Variants in RFC3 observed in about 807,000 individuals in gnomAD.
The protein encoded by RFC3 is A1 38 kDa subunit.
RFC3 carries 41 observed loss-of-function variants against 45.1 expected under a neutral mutation model. The ratio of observed to expected loss-of-function variants is 0.91; its 90% CI spans 0.71 to 1.18. The LOEUF (loss-of-function observed/expected upper bound fraction) is 1.18, where lower values mean the gene tolerates loss of function less well. RFC3 is among the 50% of genes most tolerant of loss of function. The pLI, the probability that RFC3 is intolerant of heterozygous loss-of-function variation, is 0.00. For synonymous variants in RFC3, 149 were observed against 144.0 expected (o/e 1.03, Z -0.25); for missense variants, 423 against 428.1 (o/e 0.99, Z 0.10).
At chr13:33,888,056 G>A (rs2082538140) in intron 8 of RFC3, among the ~76,000 whole-genome samples, 1 of 152,174 alleles carries the variant, frequency 6.6e-6, no homozygotes, top group Non-Finnish European at 1.5e-5. Context: ...TTGAAGTCAG[G>A]TAGCATGATG....
intron 8 of RFC3, among the ~76,000 whole-genome samples, chr13:33,852,839 T>G (rs1031568159): frequency 6.6e-6 from 1 of 152,224 alleles, no homozygotes; most frequent in African/African-American, 2.4e-5. Context: ...CTATGACTTA[T>G]GCAACTCGTG....
At chr13:33,949,707 G>C (rs551867583) in intron 8 of RFC3, among the ~76,000 whole-genome samples, 1 of 152,100 alleles carries the variant, frequency 6.6e-6, no homozygotes, top group African/African-American at 2.4e-5. Context: ...GGGTTTTTCT[G>C]TGAGGGTGTT....
In RFC3 at chr13:33,888,505, C is replaced by G. The variant is rs112424176; in HGVS notation, c.879+53288C>G. Among the ~76,000 whole-genome samples the G allele has an allele frequency of 6.4e-3, 980 of 152,216 alleles. 9 individuals are homozygous for G. Among genetic ancestry groups the G allele is most frequent in the Non-Finnish European group, 9.6e-3 (651 of 68,020 alleles). On this transcript the variant is annotated intron_variant, in intron 8 of 8. Transcript: ENST00000434425. ...TTCTCAAGTGCGGAAGCCGAGTAGC[C>G]ACAATGCTGCGTTACTCTATGGATG...
At chr13:33,821,773 TTCTTATGC>T (rs1343923125) in intron 2 of RFC3, among the ~76,000 whole-genome samples, 2 of 152,234 alleles carry the variant, frequency 1.3e-5, no homozygotes, top group Non-Finnish European at 2.9e-5. Flanking sequence ...GTGTAGCACA[TTCTTATGC>T]TCTTCCATTA....
chr13:33,950,636 C>G (rs1566040005), intron 8 of RFC3, among the ~76,000 whole-genome samples: 2 of 152,226 alleles, frequency 1.3e-5, no homozygotes, highest in Non-Finnish European at 2.9e-5. Context: ...GGCCAACACA[C>G]AGGTCAACTG....
In RFC3 at chr13:33,821,253, A is replaced by T. The variant is rs547869381; in HGVS notation, c.209A>T (p.Glu70Val). 8.4e-5 allele frequency: 135 copies of T among 1,613,556 alleles called. No individual in the cohort carries two copies. In the Admixed American group the frequency reaches 2.2e-3, roughly 26 times the overall value. ...GTTGGAGTGGAAAAATTGAGAATTGAACATCAGACCATCACAGTAAGCATT... is the reference window on the plus strand; with the variant it reads ...GTTGGAGTGGAAAAATTGAGAATTGTACATCAGACCATCACAGTAAGCATT... ...YGVGVEKLRIEHQTITTPSKK... is the reference protein window; with the variant it reads ...YGVGVEKLRIVHQTITTPSKK... Residue 70 changes from glutamate (E) to valine (V), a missense_variant, in exon 2 of 9, where the codon GAA becomes GTA. Transcript: ENST00000380071.
chr13:33,858,541 T>C (rs1291686659), intron 8 of RFC3, among the ~76,000 whole-genome samples: 1 of 152,162 alleles, frequency 6.6e-6, no homozygotes, highest in East Asian at 1.9e-4. Context: ...AGATGGCAGC[T>C]GAAACCCCAA....
chr13:33,864,975 G>A (rs1459868252), intron 8 of RFC3, among the ~76,000 whole-genome samples: 1 of 152,072 alleles, frequency 6.6e-6, no homozygotes, highest in African/African-American at 2.4e-5. Context: ...GAAAATAATC[G>A]ATTGATTGTA....
At chr13:33,853,693 A>G (rs544784223) in intron 8 of RFC3, among the ~76,000 whole-genome samples, 12 of 152,240 alleles carry the variant, frequency 7.9e-5, no homozygotes, top group African/African-American at 2.2e-4. Flanking sequence ...CTAAATTCTA[A>G]CTGCTTTTAA....
chr13:33,873,791 C>A (rs1279815961), intron 8 of RFC3, among the ~76,000 whole-genome samples: 1 of 152,194 alleles, frequency 6.6e-6, no homozygotes, highest in African/African-American at 2.4e-5. Context: ...TCATGGCTCA[C>A]AGGAAATGCT....
intron 8 of RFC3, chr13:33,846,828 A>G (rs9528228): frequency 0.88 from 134,455 of 152,224 alleles, 59,728 homozygotes; most frequent in Non-Finnish European, 0.94. Context: ...TGGTCTAAAT[A>G]CTCTCTCTGT....
chr13:33,832,896 C>T (rs1164668574), intron 7 of RFC3, among the ~76,000 whole-genome samples: 3 of 152,152 alleles, frequency 2.0e-5, no homozygotes, highest in African/African-American at 7.2e-5. Context: ...TGATAATTAT[C>T]ACGTGCTTTT....
chr13:33,887,097 G>A (rs1414312335), intron 8 of RFC3, among the ~76,000 whole-genome samples: 170 of 145,176 alleles, frequency 1.2e-3, no homozygotes, highest in East Asian at 4.6e-3. Context: ...ATAAACATAC[G>A]TGTGCATGTG....
At chr13:33,944,374 G>A (rs1215093632) in intron 8 of RFC3, among the ~76,000 whole-genome samples, 1 of 152,182 alleles carries the variant, frequency 6.6e-6, no homozygotes, top group African/African-American at 2.4e-5. Flanking sequence ...CTCATTATAT[G>A]TGTGAAATTT....
chr13:33,862,983 C>T (rs2082350919), intron 8 of RFC3, among the ~76,000 whole-genome samples: 1 of 152,174 alleles, frequency 6.6e-6, no homozygotes, highest in Non-Finnish European at 1.5e-5. Flanking sequence ...TTAATTCTTA[C>T]ATGCATTTCT....
At position 33,919,801 on chromosome 13, in the gene RFC3, T is replaced by A. The variant is rs150393326; in HGVS notation, c.880-46286T>A. 4.5e-3 allele frequency among the ~76,000 whole-genome samples: 691 copies of A among 152,258 alleles called. 4 individuals are homozygous for A. The highest frequency in any genetic ancestry group is 0.016 in the African/African-American group (665 of 41,570). On this transcript the variant is annotated intron_variant, in intron 8 of 8. Transcript: ENST00000434425. ...ATTTCAGGGGGAAAAGAGATATACA[T>A]GGAGGATATAGGCTGAGGAAGAAAG...
the RFC3 span, among the ~76,000 whole-genome samples, chr13:33,973,430 A>G: frequency 6.6e-6 from 1 of 152,170 alleles, no homozygotes; most frequent in Non-Finnish European, 1.5e-5. Flanking sequence ...AATATTGCCC[A>G]GTCTTCTCTA....
chr13:33,856,448 C>G (rs779530955), intron 8 of RFC3, among the ~76,000 whole-genome samples: 4 of 152,076 alleles, frequency 2.6e-5, no homozygotes, highest in Non-Finnish European at 5.9e-5. Context: ...ACAAATTTAC[C>G]TATGTAACAA....
chr13:33,912,701 C>T (rs140573954), intron 8 of RFC3, among the ~76,000 whole-genome samples: 11 of 152,184 alleles, frequency 7.2e-5, no homozygotes, highest in East Asian at 1.9e-4. Flanking sequence ...ATTCTATGAA[C>T]GCTGTGGGAT....
Sources: allele counts gnomAD v4.1 joint callset (sites outside exome capture counted in the v4.1 genomes callset), GRCh38; gene constraint gnomAD v4.1.1; transcripts MANE v1.5; gene names NCBI Gene and HGNC (gene_info 2026-07-23, HGNC 2026-07-21).